COMMD10: variants seen among roughly 807,000 people sequenced by gnomAD.
COMMD10 encodes COMM domain containing 10.
Under a neutral mutation model 28.9 loss-of-function variants are expected in COMMD10, and 33 were observed. The ratio of observed to expected loss-of-function variants is 1.14; its 90% CI spans 0.87 to 1.53. The LOEUF is 1.53. COMMD10 is among the 40% of genes most tolerant of loss of function. The pLI, the probability that COMMD10 is intolerant of heterozygous loss-of-function variation, is 0.00. For synonymous variants in COMMD10, 110 were observed against 81.7 expected, an observed-to-expected ratio of 1.35 and a Z score of -1.87; for missense variants, 310 against 233.4, an observed-to-expected ratio of 1.33 and a Z score of -2.14.
In COMMD10 at chr5:116,219,780, C is replaced by G. The variant is rs549039252; in HGVS notation, c.511-71737C>G. Among the ~76,000 whole-genome samples, 9 of 152,250 alleles carry G rather than the reference C, an allele frequency of 5.9e-5. No homozygotes were observed. In the South Asian group the frequency reaches 1.7e-3, roughly 28 times the overall value. Reference sequence around the variant, plus strand: ...GCTGCTGAAAATACCAAATACTTTTCTGTGTCTAATGATGTAATCTTATGG... The same window carrying G: ...GCTGCTGAAAATACCAAATACTTTTGTGTGTCTAATGATGTAATCTTATGG... On this transcript the variant is annotated intron_variant, in intron 5 of 6. Transcript: ENST00000274458.
intron 5 of COMMD10, among the ~76,000 whole-genome samples, chr5:116,171,769 G>T (rs770055276): frequency 6.6e-6 from 1 of 152,068 alleles, no homozygotes; most frequent in Non-Finnish European, 1.5e-5. Flanking sequence ...ATAAGGGGGA[G>T]TTGAACAGTG....
chr5:116,088,297 G>C (rs1433774381), intron 2 of COMMD10, among the ~76,000 whole-genome samples: 1 of 152,180 alleles, frequency 6.6e-6, no homozygotes. Context: ...CCCCTTTGAA[G>C]TGTCTTTCAA....
chr5:116,161,669 A>T (rs924106907), intron 5 of COMMD10, among the ~76,000 whole-genome samples: 8 of 152,170 alleles, frequency 5.3e-5, no homozygotes, highest in Non-Finnish European at 1.0e-4. Flanking sequence ...GAGAAAATAT[A>T]TTATTTCTTC....
At chr5:116,265,202 A>G (rs1750553558) in intron 5 of COMMD10, among the ~76,000 whole-genome samples, 1 of 151,594 alleles carries the variant, frequency 6.6e-6, no homozygotes, top group South Asian at 2.1e-4. Context: ...AAGGAGGCCA[A>G]CTCTCCACAT....
chr5:116,156,102 C>G (rs1752698139), intron 5 of COMMD10, among the ~76,000 whole-genome samples: 1 of 152,074 alleles, frequency 6.6e-6, no homozygotes, highest in South Asian at 2.1e-4. Context: ...CATTTCACCT[C>G]CCTGGCCTTC....
intron 5 of COMMD10, among the ~76,000 whole-genome samples, chr5:116,141,969 C>CT (rs1388193468): frequency 1.3e-5 from 2 of 151,714 alleles, no homozygotes; most frequent in East Asian, 3.9e-4. Context: ...TATTGCCTGC[C>CT]TTTTTTTAAA....
chr5:116,289,670 G>A (rs772113149), intron 5 of COMMD10, among the ~76,000 whole-genome samples: 2 of 151,850 alleles, frequency 1.3e-5, no homozygotes, highest in Non-Finnish European at 2.9e-5. Flanking sequence ...CTCTGGCATG[G>A]GGGGTGGTGG....
chr5:116,171,766 G>T (rs967554274), intron 5 of COMMD10, among the ~76,000 whole-genome samples: 3 of 152,068 alleles, frequency 2.0e-5, no homozygotes, highest in African/African-American at 7.2e-5. Flanking sequence ...CTCATAAGGG[G>T]GAGTTGAACA....
At chr5:116,121,882 G>C (rs903204918) in intron 4 of COMMD10, among the ~76,000 whole-genome samples, 2 of 152,140 alleles carry the variant, frequency 1.3e-5, no homozygotes, top group Non-Finnish European at 2.9e-5. Context: ...CTGGATGCTA[G>C]CCCGTTTTCA....
intron 5 of COMMD10, among the ~76,000 whole-genome samples, chr5:116,253,739 G>A (rs930266598): frequency 3.4e-5 from 5 of 148,936 alleles, no homozygotes; most frequent in Admixed American, 2.0e-4. Context: ...GTTCATCAAG[G>A]ATATTGGTCT....
intron 5 of COMMD10, among the ~76,000 whole-genome samples, chr5:116,259,210 A>G (rs942709915): frequency 1.3e-5 from 2 of 151,164 alleles, no homozygotes; most frequent in African/African-American, 4.9e-5. Flanking sequence ...TTACAGGTGC[A>G]CGCCACCATG....
chr5:116,202,603 T>C (rs1271803937), intron 5 of COMMD10, among the ~76,000 whole-genome samples: 1 of 152,004 alleles, frequency 6.6e-6, no homozygotes, highest in African/African-American at 2.4e-5. Context: ...TGGTATCTCA[T>C]TGTGGTTTTG....
intron 5 of COMMD10, among the ~76,000 whole-genome samples, chr5:116,245,148 A>C (rs149642159): frequency 6.6e-6 from 1 of 152,078 alleles, no homozygotes; most frequent in Non-Finnish European, 1.5e-5. Context: ...AATAAACACA[A>C]TCAGAAATGA....
chr5:116,200,556 A>G (rs1202146560), intron 5 of COMMD10, among the ~76,000 whole-genome samples: 2 of 151,636 alleles, frequency 1.3e-5, no homozygotes, highest in Admixed American at 1.3e-4. Context: ...TTTATCACAC[A>G]TACGTTATAC....
chr5:116,119,054 C>T (rs2112748295), intron 4 of COMMD10, among the ~76,000 whole-genome samples: 1 of 152,220 alleles, frequency 6.6e-6, no homozygotes, highest in Non-Finnish European at 1.5e-5. Context: ...AATGACATTT[C>T]AGTGTCCTCA....
intron 5 of COMMD10, among the ~76,000 whole-genome samples, chr5:116,233,128 T>G (rs762739758): frequency 8.1e-4 from 124 of 152,260 alleles, no homozygotes; most frequent in Non-Finnish European, 1.6e-3. Flanking sequence ...CACTTATTTT[T>G]GGGGTTTTAC....
rs149435593 is a variant in COMMD10, at chr5:116,272,117, A to G, written c.511-19400A>G. Among the ~76,000 whole-genome samples the G allele has an allele frequency of 2.5e-4, 38 of 152,018 alleles. No individual in the cohort carries two copies. In the East Asian group the frequency reaches 7.1e-3, roughly 29 times the overall value. ...TTATTTCTCAACATAGGCTCCATTAAGGTCGAGACACTTTTCTAAGCGATA... is the reference window on the plus strand; with the variant it reads ...TTATTTCTCAACATAGGCTCCATTAGGGTCGAGACACTTTTCTAAGCGATA... On this transcript the variant is annotated intron_variant, in intron 5 of 6. Coordinates refer to ENST00000274458, the MANE Select transcript of COMMD10 (RefSeq NM_016144.4).
At chr5:116,128,534 CTT>C (rs10548026) in intron 4 of COMMD10, among the ~76,000 whole-genome samples, 75,752 of 151,140 alleles carry the variant, frequency 0.5, 21,483 homozygotes, top group Non-Finnish European at 0.65. Flanking sequence ...AATTAGCTAA[CTT>C]AAGGCAAAAC....
At chr5:116,207,719 T>A (rs1294718776) in intron 5 of COMMD10, among the ~76,000 whole-genome samples, 1 of 151,960 alleles carries the variant, frequency 6.6e-6, no homozygotes, top group Non-Finnish European at 1.5e-5. Context: ...AGAGATGAGG[T>A]TTCACCACGT....
Sources: allele counts gnomAD v4.1 joint callset (sites outside exome capture counted in the v4.1 genomes callset), GRCh38; gene constraint gnomAD v4.1.1; transcripts MANE v1.5; gene names NCBI Gene and HGNC (gene_info 2026-07-23, HGNC 2026-07-21).